Variants in RERE observed in about 807,000 individuals in gnomAD.
RERE encodes arginine-glutamic acid dipeptide repeats.
In RERE, 40 loss-of-function variants were observed where a neutral mutation model predicts 146.1. That is an observed-to-expected ratio of 0.27 (90% CI 0.21 to 0.36). The LOEUF (loss-of-function observed/expected upper bound fraction) is 0.36, where lower values mean the gene tolerates loss of function less well. Ranked by LOEUF, RERE falls within the 10% of genes least tolerant of loss-of-function variation. The pLI, the probability that RERE is intolerant of heterozygous loss-of-function variation, is 1.00. For missense variants in RERE, 1,933 were observed against 2,138.7 expected (o/e 0.90, Z 1.90); for synonymous variants, 1,003 against 866.0 (o/e 1.16, Z -2.78).
chr1:8,644,045 A>T (rs1647220853), intron 2 of RERE, among the ~76,000 whole-genome samples: 1 of 152,172 alleles, frequency 6.6e-6, no homozygotes, highest in Admixed American at 6.5e-5. Context: ...TACCTATCAC[A>T]CACAAAGCAA....
In RERE at chr1:8,625,754, T is replaced by C. The variant is rs558940698; in HGVS notation, c.326-1374A>G. Among the ~76,000 whole-genome samples the C allele has an allele frequency of 1.4e-3, 218 of 152,304 alleles. 1 individual carries two copies. The highest frequency in any genetic ancestry group is 4.8e-3 in the African/African-American group (199 of 41,560). ...CGAAGAAAAAGCACAGAAGTAGCAA[T>C]TGGGAGTCATCACAAACCCCAACAG... On this transcript the variant is annotated intron_variant, in intron 2 of 22. Transcript: ENST00000400908.
intron 11 of RERE, among the ~76,000 whole-genome samples, chr1:8,464,613 C>T (rs953783814): frequency 6.6e-6 from 1 of 152,202 alleles, no homozygotes; most frequent in Non-Finnish European, 1.5e-5. Flanking sequence ...CCCCTCCTTG[C>T]TGTGTTGCAG....
Position 8,684,493 on chromosome 1 carries a change from T to C in RERE, c.-144-28052A>G, listed in dbSNP as rs1487904664. On this transcript the variant is annotated intron_variant, in intron 1 of 22. Coordinates refer to ENST00000400908, the MANE Select transcript of RERE (RefSeq NM_001042681.2). ...AAGCTTATAAAATCATTTTACCAAC[T>C]GTTACAGAAGCACTAAGTATCAGAC... Among the ~76,000 whole-genome samples the C allele has an allele frequency of 2.0e-5, 3 of 152,118 alleles. No homozygotes were observed. The East Asian group carries it at 5.8e-4, about 29-fold the overall frequency.
intron 1 of RERE, among the ~76,000 whole-genome samples, chr1:8,813,338 T>C (rs546786299): frequency 2.4e-4 from 37 of 152,338 alleles, no homozygotes; most frequent in Admixed American, 9.8e-4. Context: ...AAAAGTAGCT[T>C]AGTAGGAAAG....
rs999611103 is a variant in RERE at position 8,427,042 on chromosome 1, G to A, written c.1204-4235C>T. 2.8e-4 allele frequency among the ~76,000 whole-genome samples: 42 copies of A among 151,968 alleles called. 1 individual carries two copies. Among genetic ancestry groups the A allele is most frequent in the African/African-American group, 9.7e-4 (40 of 41,318 alleles). ...CTTTAAAAATTATTTATTTATTAAC[G>A]ATGAGGTCTCACTATATTGCCCAGG... On this transcript the variant is annotated intron_variant, in intron 11 of 22. Coordinates refer to ENST00000400908, the MANE Select transcript of RERE (RefSeq NM_001042681.2).
intron 12 of RERE, among the ~76,000 whole-genome samples, chr1:8,401,995 C>T (rs541678399): frequency 6.6e-6 from 1 of 152,204 alleles, no homozygotes; most frequent in Non-Finnish European, 1.5e-5. Context: ...CTCAGCCTCC[C>T]GAGTAGCTGG....
chr1:8,752,002 A>T (rs1180886099), intron 1 of RERE, among the ~76,000 whole-genome samples: 2 of 152,094 alleles, frequency 1.3e-5, no homozygotes, highest in Non-Finnish European at 2.9e-5. Context: ...AAAACTTAAC[A>T]CAGCTCTTTA....
chr1:8,448,602 T>A (rs1380683497), intron 11 of RERE, among the ~76,000 whole-genome samples: 3 of 151,876 alleles, frequency 2.0e-5, no homozygotes, highest in Non-Finnish European at 2.9e-5. Context: ...ACTAAAAACA[T>A]AAAAATTAGC....
Position 8,422,628 on chromosome 1 carries a change from G to A in RERE, c.1284+99C>T, listed in dbSNP as rs751970593. 4.5e-6 allele frequency: 4 copies of A among 884,954 alleles called. No homozygotes were observed. The Admixed American group carries it at 5.6e-5, about 12-fold the overall frequency. The allele number at this position is 884,954 out of a possible 1,614,324, so 54.8% of individuals were successfully genotyped here. A position where few individuals can be genotyped will look rare whatever the true frequency, so the allele number is the denominator to read the frequency against. ...GGAGGCCAGCCCGAGTCTGAGCACA[G>A]CGCAGGGTTAAAGGAAACCATTTCA... is the stretch of plus-strand genomic sequence containing the variant. On this transcript the variant is annotated intron_variant, in intron 12 of 22. Transcript: ENST00000400908.
At chr1:8,766,663 T>C (rs1274314991) in intron 1 of RERE, among the ~76,000 whole-genome samples, 1 of 151,986 alleles carries the variant, frequency 6.6e-6, no homozygotes, top group Non-Finnish European at 1.5e-5. Context: ...TACTTGATTC[T>C]ATATAGTGGG....
chr1:8,485,866 T>C (rs1244581766), intron 10 of RERE, among the ~76,000 whole-genome samples: 3 of 150,522 alleles, frequency 2.0e-5, no homozygotes, highest in African/African-American at 4.9e-5. Context: ...TGGCGCGATC[T>C]TGGCTCACTG....
At chr1:8,503,664 G>A (rs1280272019) in intron 8 of RERE, among the ~76,000 whole-genome samples, 2 of 152,148 alleles carry the variant, frequency 1.3e-5, no homozygotes, top group East Asian at 3.8e-4. Context: ...AGAAGGGGCA[G>A]AGGGAATGAA....
intron 4 of RERE, among the ~76,000 whole-genome samples, chr1:8,572,377 G>A (rs1646231753): frequency 6.6e-6 from 1 of 152,116 alleles, no homozygotes; most frequent in Admixed American, 6.5e-5. Context: ...AGTTAATATG[G>A]AGAAAAACAA....
intron 2 of RERE, among the ~76,000 whole-genome samples, chr1:8,638,345 T>C (rs1392262784): frequency 6.6e-6 from 1 of 152,214 alleles, no homozygotes; most frequent in African/African-American, 2.4e-5. Flanking sequence ...CTGCCAGTAT[T>C]GCTGTGCTTA....
In RERE at chr1:8,355,044, C is replaced by T. The variant is rs555251452; in HGVS notation, c.*43G>A. ...ATGTAAAAAGTCCTGTTTCTCCCCC[C>T]AAGAACTGGGGTTTCCACAGCCAGC... On this transcript the variant is annotated 3_prime_UTR_variant, in exon 23 of 23. Coordinates refer to ENST00000400908, the MANE Select transcript of RERE (RefSeq NM_001042681.2). 1 of 1,571,724 alleles carries T rather than the reference C, an allele frequency of 6.4e-7. No homozygotes were observed.
chr1:8,610,895 A>T (rs547520081), intron 4 of RERE, among the ~76,000 whole-genome samples: 41 of 140,246 alleles, frequency 2.9e-4, no homozygotes, highest in African/African-American at 7.3e-4. Flanking sequence ...ATAATGATTT[A>T]AAAAAAAAAA....
Position 8,497,509 on chromosome 1 carries a change from T to C in RERE, c.900A>G (p.Gln300=), listed in dbSNP as rs1474568579. The change falls in exon 9 of 23, where the codon CAA becomes CAG. Residue 300 remains glutamine (Q), a synonymous_variant. Coordinates refer to ENST00000400908, the MANE Select transcript of RERE (RefSeq NM_001042681.2). ...TATCACCATCTGGAGAAGGAAATGG[T>C]TGCAGATCTGGAAGTTTGGCCTGTA... ...PSHQAKLPDL[Q]PFPSPDGDTV... 6.2e-7 allele frequency: 1 copy of C among 1,614,168 alleles called. No homozygotes were observed. The highest frequency in any genetic ancestry group is 8.5e-7 in the Non-Finnish European group (1 of 1,180,008).
chr1:8,418,546 T>C (rs1352435554), intron 12 of RERE, among the ~76,000 whole-genome samples: 1 of 152,154 alleles, frequency 6.6e-6, no homozygotes, highest in Non-Finnish European at 1.5e-5. Context: ...TTTGTCTAAG[T>C]AATAGGAGAC....
intron 3 of RERE, among the ~76,000 whole-genome samples, chr1:8,617,229 A>G (rs1646863494): frequency 6.6e-6 from 1 of 151,358 alleles, no homozygotes; most frequent in Non-Finnish European, 1.5e-5. Context: ...CTGTAATTCC[A>G]GCTACTTGGG....
Sources: gnomAD v4.1 joint callset for allele counts (sites outside exome capture counted in the v4.1 genomes callset) on GRCh38, gnomAD v4.1.1 for gene constraint, MANE v1.5 for transcripts, NCBI Gene and HGNC (gene_info 2026-07-23, HGNC 2026-07-21) for gene names.